The following TASP1 variants were observed in gnomAD, a reference collection of about 807,000 sequenced individuals.
The protein encoded by TASP1 is taspase 1, also known as threonine aspartase 1.
TASP1 carries 16 observed loss-of-function variants against 56.6 expected under a neutral mutation model. The observed-to-expected ratio is 0.28, with a 90% CI of 0.19 to 0.43. TASP1 has a LOEUF of 0.43. TASP1 is among the 20% of genes least tolerant of loss of function. TASP1 has a pLI of 1.00. For synonymous variants in TASP1, 179 were observed against 184.2 expected, an observed-to-expected ratio of 0.97 and a Z score of 0.23; for missense variants, 393 against 511.6, an observed-to-expected ratio of 0.77 and a Z score of 2.24.
chr20:13,537,195 A>G (rs1174560104), intron 8 of TASP1, among the ~76,000 whole-genome samples: 1 of 152,192 alleles, frequency 6.6e-6, no homozygotes, highest in Non-Finnish European at 1.5e-5. Context: ...AGAAAGATAC[A>G]AAAACTGATG....
At chr20:13,422,318 A>G (rs2042470237) in intron 12 of TASP1, among the ~76,000 whole-genome samples, 1 of 152,232 alleles carries the variant, frequency 6.6e-6, no homozygotes, top group Non-Finnish European at 1.5e-5. Context: ...GCTGGGTAAC[A>G]TGCCCATAAA....
At chr20:13,127,103 T>A in the TASP1 span, among the ~76,000 whole-genome samples, 1 of 152,210 alleles carries the variant, frequency 6.6e-6, no homozygotes, top group Non-Finnish European at 1.5e-5. Flanking sequence ...TTTTCAATCC[T>A]TTTATTTTTT....
chr20:13,172,847 A>G, the TASP1 span, among the ~76,000 whole-genome samples: 1 of 152,144 alleles, frequency 6.6e-6, no homozygotes, highest in Admixed American at 6.5e-5. Context: ...AAAGAGTGAA[A>G]TTAATATAAT....
At chr20:13,359,590 C>T in the TASP1 span, among the ~76,000 whole-genome samples, 1 of 151,168 alleles carries the variant, frequency 6.6e-6, no homozygotes, top group African/African-American at 2.5e-5. Flanking sequence ...TTTCCCTTGC[C>T]TCCATAACTG....
At chr20:13,348,915 C>T in the TASP1 span, among the ~76,000 whole-genome samples, 3 of 152,200 alleles carry the variant, frequency 2.0e-5, no homozygotes, top group African/African-American at 4.8e-5. Flanking sequence ...GCAACTCTGA[C>T]GTGCAAAACG....
the TASP1 span, among the ~76,000 whole-genome samples, chr20:13,369,214 G>C: frequency 6.6e-6 from 1 of 152,218 alleles, no homozygotes; most frequent in African/African-American, 2.4e-5. Context: ...GGGAGGCTGA[G>C]GCAGGTGGAT....
At chr20:13,373,453 T>C in the TASP1 span, among the ~76,000 whole-genome samples, 1 of 84,492 alleles carries the variant, frequency 1.2e-5, no homozygotes, top group East Asian at 2.9e-4. Context: ...GCAAATTCTT[T>C]CAGTTTTTTT....
chr20:13,138,969 AC>A, the TASP1 span, among the ~76,000 whole-genome samples: 1 of 152,152 alleles, frequency 6.6e-6, no homozygotes, highest in Non-Finnish European at 1.5e-5. Flanking sequence ...AGTGTATTTG[AC>A]TTTTTCATAC....
chr20:13,474,204 G>A (rs1351764641), intron 11 of TASP1, among the ~76,000 whole-genome samples: 2 of 152,162 alleles, frequency 1.3e-5, no homozygotes, highest in Admixed American at 6.5e-5. Flanking sequence ...TCTTTAAGTG[G>A]TTATTTCTGA....
the TASP1 span, among the ~76,000 whole-genome samples, chr20:13,310,666 G>A: frequency 6.6e-5 from 10 of 152,136 alleles, no homozygotes; most frequent in East Asian, 3.8e-4. Flanking sequence ...CTTGCAAACC[G>A]TACATCTGAT....
chr20:13,546,451 C>T (rs1039458964), intron 8 of TASP1, among the ~76,000 whole-genome samples: 7 of 152,082 alleles, frequency 4.6e-5, no homozygotes, highest in African/African-American at 1.7e-4. Flanking sequence ...TTAGCACAGC[C>T]AAAAAAAGGC....
intron 10 of TASP1, among the ~76,000 whole-genome samples, chr20:13,490,136 G>A (rs907863597): frequency 2.0e-5 from 3 of 152,066 alleles, no homozygotes; most frequent in East Asian, 1.9e-4. Context: ...AGCAATACAC[G>A]AAAAAGATCA....
intron 13 of TASP1, among the ~76,000 whole-genome samples, chr20:13,405,728 T>G (rs1384579064): frequency 6.6e-6 from 1 of 151,008 alleles, no homozygotes; most frequent in Non-Finnish European, 1.5e-5. Context: ...TTTTTTTTTT[T>G]TGTATTTTTA....
chr20:13,188,652 C>A, the TASP1 span, among the ~76,000 whole-genome samples: 204 of 152,248 alleles, frequency 1.3e-3, 1 homozygote, highest in African/African-American at 4.7e-3. Context: ...CAAATAACCA[C>A]CAGTAACATT....
chr20:13,446,368 G>A (rs1328443566), intron 11 of TASP1, among the ~76,000 whole-genome samples: 1 of 152,136 alleles, frequency 6.6e-6, no homozygotes, highest in Non-Finnish European at 1.5e-5. Flanking sequence ...ATTGTTAACA[G>A]TTGGTATCCT....
chr20:13,325,270 A>G, the TASP1 span, among the ~76,000 whole-genome samples: 3 of 152,344 alleles, frequency 2.0e-5, no homozygotes, highest in Admixed American at 2.0e-4. Flanking sequence ...TAGAGGTCTC[A>G]GGTCTCTTCT....
chr20:13,245,449 C>T, the TASP1 span: 1 of 152,216 alleles, frequency 6.6e-6, no homozygotes, highest in African/African-American at 2.4e-5. Flanking sequence ...TCATGTTTGC[C>T]ATACCCTATT....
intron 11 of TASP1, among the ~76,000 whole-genome samples, chr20:13,445,688 C>T (rs552176570): frequency 6.6e-6 from 1 of 152,272 alleles, no homozygotes; most frequent in East Asian, 1.9e-4. Context: ...GAATCTACTA[C>T]CCTGCCAACC....
At chr20:13,386,064 A>G (rs973993513), downstream of TASP1, among the ~76,000 whole-genome samples, 3 of 152,198 alleles carry the variant, frequency 2.0e-5, no homozygotes, top group Non-Finnish European at 2.9e-5. Context: ...TGTTGTATGC[A>G]CCTGCAGCCT....
Sources: gnomAD v4.1 joint callset for allele counts (sites outside exome capture counted in the v4.1 genomes callset) on GRCh38, gnomAD v4.1.1 for gene constraint, MANE v1.5 for transcripts, NCBI Gene and HGNC (gene_info 2026-07-23, HGNC 2026-07-21) for gene names.